The following TCERG1L variants were observed in gnomAD, a reference collection of about 807,000 sequenced individuals.
TCERG1L encodes transcription elongation regulator 1-like protein.
TCERG1L carries 37 observed loss-of-function variants against 56.3 expected under a neutral mutation model. The observed-to-expected ratio is 0.66, with a 90% confidence interval of 0.51 to 0.87. The LOEUF (loss-of-function observed/expected upper bound fraction) is 0.87. Among genes scored for constraint, TCERG1L ranks in the 40% least tolerant of loss-of-function variants. TCERG1L has a pLI of 0.00. For missense variants in TCERG1L, 799 were observed against 774.2 expected, an observed-to-expected ratio of 1.03 and a Z score of -0.38; for synonymous variants, 324 against 326.3, an observed-to-expected ratio of 0.99 and a Z score of 0.08.
At chr10:131,216,934 C>T (rs1249865539) in intron 4 of TCERG1L, among the ~76,000 whole-genome samples, 2 of 152,300 alleles carry the variant, frequency 1.3e-5, no homozygotes, top group African/African-American at 2.4e-5. Flanking sequence ...CATCTCTACC[C>T]AGGGCACAGG....
At position 131,260,480 on chromosome 10, in the gene TCERG1L, C is replaced by T. The variant is rs774517922; in HGVS notation, c.671-36G>A. 1.8e-5 allele frequency: 25 copies of T among 1,363,196 alleles called. No homozygotes were observed. Among genetic ancestry groups the T allele is most frequent in the Middle Eastern group, 2.1e-4 (1 of 4,716 alleles). The allele number at this position is 1,363,196 out of a possible 1,614,324, so 84.4% of individuals were successfully genotyped here. On this transcript the variant is annotated intron_variant, in intron 3 of 11. Coordinates refer to ENST00000368642, the MANE Select transcript of TCERG1L (RefSeq NM_174937.4). The surrounding 1 kb of genome is among the most constrained non-coding windows in gnomAD (Gnocchi z 5.8). ...GGGATGCAGAGGGTCAGCAAGGGGA[C>T]GACCAGGGCCATGGGTGACAGATGC...
At chr10:131,239,685 T>C (rs555173114) in intron 4 of TCERG1L, among the ~76,000 whole-genome samples, 2 of 152,302 alleles carry the variant, frequency 1.3e-5, no homozygotes, top group South Asian at 4.1e-4. Flanking sequence ...GGGCCTCAGA[T>C]GCTGGCTACA....
intron 4 of TCERG1L, among the ~76,000 whole-genome samples, chr10:131,250,012 C>A (rs1206669155): frequency 6.6e-6 from 1 of 152,216 alleles, no homozygotes; most frequent in Non-Finnish European, 1.5e-5. Context: ...CTGTTCGGGG[C>A]AGCCAGGGAC....
rs191643222 is a variant in TCERG1L at position 131,243,218 on chromosome 10, C to T, written c.856+17041G>A. Among the ~76,000 whole-genome samples the T allele has an allele frequency of 1.2e-3, 190 of 152,148 alleles. 1 individual carries two copies. Among genetic ancestry groups the T allele is most frequent in the African/African-American group, 4.4e-3 (182 of 41,506 alleles). On this transcript the variant is annotated intron_variant, in intron 4 of 11. Coordinates refer to ENST00000368642, the MANE Select transcript of TCERG1L (RefSeq NM_174937.4). ...CTGTGAGTGTCCCTCCCACGCTGAC[C>T]CTGGACTTCACCATGGACCTGCACT...
intron 4 of TCERG1L, among the ~76,000 whole-genome samples, chr10:131,183,518 A>G (rs1051734294): frequency 6.6e-6 from 1 of 152,156 alleles, no homozygotes; most frequent in Non-Finnish European, 1.5e-5. Context: ...CTTCTCTCGT[A>G]TTTCAGTGGC....
At chr10:131,252,886 C>T (rs1170141862) in intron 4 of TCERG1L, among the ~76,000 whole-genome samples, 2 of 152,226 alleles carry the variant, frequency 1.3e-5, no homozygotes, top group Non-Finnish European at 2.9e-5. Flanking sequence ...CCATGGGTGA[C>T]TCCTTCCTCC....
intron 4 of TCERG1L, among the ~76,000 whole-genome samples, chr10:131,258,914 C>T (rs1314728450): frequency 6.6e-6 from 1 of 152,060 alleles, no homozygotes; most frequent in East Asian, 1.9e-4. Context: ...GTAAGTCACC[C>T]CTAATACATG....
At chr10:131,179,392 A>G (rs1471769893) in intron 4 of TCERG1L, among the ~76,000 whole-genome samples, 1 of 152,350 alleles carries the variant, frequency 6.6e-6, no homozygotes, top group Non-Finnish European at 1.5e-5. Context: ...CAATCCAAGA[A>G]TGCCCTAAAT....
chr10:131,222,319 C>A (rs1048445119), intron 4 of TCERG1L, among the ~76,000 whole-genome samples: 2 of 152,212 alleles, frequency 1.3e-5, no homozygotes, highest in Non-Finnish European at 2.9e-5. Context: ...CGGACAGTGA[C>A]GGCTGCGTTT....
At chr10:131,131,280 G>A (rs941300988) in intron 8 of TCERG1L, among the ~76,000 whole-genome samples, 2 of 152,172 alleles carry the variant, frequency 1.3e-5, no homozygotes, top group African/African-American at 2.4e-5. Context: ...AGGGATAGGA[G>A]GGAGGGAACT....
At chr10:131,289,011 T>G (rs533110958) in intron 3 of TCERG1L, among the ~76,000 whole-genome samples, 2 of 152,354 alleles carry the variant, frequency 1.3e-5, no homozygotes, top group African/African-American at 4.8e-5. Flanking sequence ...CCACTATGCA[T>G]TCCCAAAAGT....
At chr10:131,223,452 T>C (rs1000222727) in intron 4 of TCERG1L, among the ~76,000 whole-genome samples, 7 of 152,242 alleles carry the variant, frequency 4.6e-5, no homozygotes, top group African/African-American at 1.7e-4. Context: ...ATCCTGATGA[T>C]TCAGATACTG....
chr10:131,209,308 C>T (rs1045545455), intron 4 of TCERG1L, among the ~76,000 whole-genome samples: 1 of 149,064 alleles, frequency 6.7e-6, no homozygotes, highest in African/African-American at 2.4e-5. Flanking sequence ...CTTTCTCAGC[C>T]TGGCTCTGAC....
At position 131,126,149 on chromosome 10, in the gene TCERG1L, C is replaced by T. The variant is rs188374822; in HGVS notation, c.1259+8230G>A. ...TTCACCTCTTCCGGGAATCACAAAC[C>T]AATTCCTGGCTCTGCCTAAGGCCAG... On this transcript the variant is annotated intron_variant, in intron 8 of 11. Coordinates refer to ENST00000368642, the MANE Select transcript of TCERG1L (RefSeq NM_174937.4). 1.3e-3 allele frequency among the ~76,000 whole-genome samples: 201 copies of T among 152,342 alleles called. 1 individual carries two copies. Among genetic ancestry groups the T allele is most frequent in the African/African-American group, 4.6e-3 (192 of 41,584 alleles).
intron 6 of TCERG1L, among the ~76,000 whole-genome samples, chr10:131,157,692 A>AG (rs907930245): frequency 3.3e-5 from 5 of 152,244 alleles, no homozygotes; most frequent in Non-Finnish European, 5.9e-5. Context: ...TTAAAAAAAA[A>AG]GTAATTCAAG....
At chr10:131,100,371 TTC>T (rs34995661) in intron 10 of TCERG1L, among the ~76,000 whole-genome samples, 12,571 of 152,170 alleles carry the variant, frequency 0.083, 537 homozygotes, top group Middle Eastern at 0.11. Flanking sequence ...AAATGCCTGC[TTC>T]TCTCTCTCTG....
intron 4 of TCERG1L, among the ~76,000 whole-genome samples, chr10:131,236,815 G>A (rs1845918132): frequency 1.3e-5 from 2 of 152,122 alleles, no homozygotes; most frequent in African/African-American, 4.8e-5. Flanking sequence ...CCCTAGAAGT[G>A]GGTGAAGATC....
At chr10:131,241,123 TG>T (rs924540974) in intron 4 of TCERG1L, among the ~76,000 whole-genome samples, 15 of 151,838 alleles carry the variant, frequency 9.9e-5, no homozygotes, top group African/African-American at 3.6e-4. Flanking sequence ...CGCACAGAAA[TG>T]GTGATGAAAC....
intron 4 of TCERG1L, among the ~76,000 whole-genome samples, chr10:131,229,011 T>C (rs60096612): frequency 0.014 from 852 of 62,646 alleles, 118 homozygotes; most frequent in Middle Eastern, 0.062. Context: ...TCAAGGTCTC[T>C]GGAGTCTCCA....
Sources: allele counts gnomAD v4.1 joint callset (sites outside exome capture counted in the v4.1 genomes callset), GRCh38; gene constraint gnomAD v4.1.1; non-coding constraint Gnocchi (gnomAD v3.1); transcripts MANE v1.5; gene names NCBI Gene and HGNC (gene_info 2026-07-23, HGNC 2026-07-21).